ATP9B: variants seen among roughly 807,000 people sequenced by gnomAD.
The protein encoded by ATP9B is ATPase phospholipid transporting 9B.
A neutral mutation model predicts 146.1 loss-of-function variants in ATP9B; 110 were observed. The ratio of observed to expected loss-of-function variants is 0.75; its 90% CI spans 0.65 to 0.88. ATP9B has a LOEUF of 0.88. ATP9B is among the 40% of genes least tolerant of loss of function. The probability of loss-of-function intolerance (pLI) is 0.00; values close to 1 mark genes in which losing one functional copy is unlikely to be tolerated. For synonymous variants in ATP9B, 604 were observed against 569.7 expected (o/e 1.06, Z -0.86); for missense variants, 1,499 against 1,496.4 (o/e 1.00, Z -0.03).
intron 15 of ATP9B, among the ~76,000 whole-genome samples, chr18:79,315,799 G>A (rs753300956): frequency 2.0e-5 from 3 of 152,138 alleles, no homozygotes; most frequent in Non-Finnish European, 4.4e-5. Context: ...TAAACAAATC[G>A]CCTGTGGCAG....
At chr18:79,253,277 A>C (rs764281123) in intron 11 of ATP9B, 104 bp from the exon 12 acceptor site, 3 of 1,103,436 alleles carry the variant, frequency 2.7e-6, no homozygotes, top group Non-Finnish European at 3.8e-6. Flanking sequence ...AATACCAATA[A>C]ATTTTAAAGT....
At chr18:79,181,706 A>G (rs9966492) in intron 8 of ATP9B, among the ~76,000 whole-genome samples, 32,098 of 151,960 alleles carry the variant, frequency 0.21, 3,748 homozygotes, top group East Asian at 0.5. Flanking sequence ...AGCCCACCCA[A>G]TGAATTTTGT....
Position 79,307,074 on chromosome 18 carries a change from G to A in ATP9B, c.1613G>A (p.Ser538Asn), listed in dbSNP as rs766490486. ...SSAPKVRKSV[S>N]SRIHEAVKAI... ...GCTCCCAAAGTTAGGAAAAGTGTCA[G>A]TAGTCGAATCCATGAAGCCGTGAAA... Residue 538 changes from serine to asparagine, a missense_variant, in exon 15 of 30, where the codon AGT (serine) becomes AAT (asparagine). By Grantham distance (46) the Ser-to-Asn change is conservative. Coordinates refer to ENST00000426216, the MANE Select transcript of ATP9B (RefSeq NM_198531.5). The A allele has an allele frequency of 1.2e-6, 2 of 1,614,104 alleles. No individual in the cohort carries two copies. The highest frequency in any genetic ancestry group is 1.3e-5 in the African/African-American group (1 of 74,944).
At chr18:79,076,768 C>T (rs1417012984) in intron 1 of ATP9B, among the ~76,000 whole-genome samples, 2 of 152,078 alleles carry the variant, frequency 1.3e-5, no homozygotes, top group African/African-American at 4.8e-5. Flanking sequence ...CTTCTTTTAC[C>T]CTGGTGACAC....
chr18:79,174,031 G>C (rs932674118), intron 7 of ATP9B: 3 of 328,554 alleles, frequency 9.1e-6, no homozygotes, highest in African/African-American at 6.6e-5. Flanking sequence ...CCGAGGAATT[G>C]AGCTGGACTG....
chr18:79,213,708 A>G (rs1215319051), intron 10 of ATP9B, among the ~76,000 whole-genome samples: 1 of 152,170 alleles, frequency 6.6e-6, no homozygotes, highest in African/African-American at 2.4e-5. Flanking sequence ...CAGTGAAAAG[A>G]ATATTAGTAC....
chr18:79,314,983 GTGAC>G (rs2096671769), intron 15 of ATP9B, among the ~76,000 whole-genome samples: 1 of 152,216 alleles, frequency 6.6e-6, no homozygotes, highest in African/African-American at 2.4e-5. Flanking sequence ...TCCAGAAAGA[GTGAC>G]TGTGATTCTT....
chr18:79,371,199 C>G (rs1240364727), intron 26 of ATP9B, among the ~76,000 whole-genome samples: 2 of 151,966 alleles, frequency 1.3e-5, no homozygotes, highest in African/African-American at 4.8e-5. Context: ...TGGTGAAACC[C>G]CCTCTCTACT....
chr18:79,274,165 A>G (rs907934387), intron 12 of ATP9B, among the ~76,000 whole-genome samples: 1 of 152,180 alleles, frequency 6.6e-6, no homozygotes, highest in African/African-American at 2.4e-5. Context: ...TTTAATATAT[A>G]TTGAGGGGGG....
chr18:79,220,893 C>T (rs1002647031), intron 11 of ATP9B, among the ~76,000 whole-genome samples: 1 of 152,198 alleles, frequency 6.6e-6, no homozygotes, highest in Admixed American at 6.5e-5. Context: ...GGCCCTGCTG[C>T]CTCTGACTTG....
intron 11 of ATP9B, among the ~76,000 whole-genome samples, chr18:79,240,114 G>A (rs552292472): frequency 7.3e-4 from 111 of 152,382 alleles, no homozygotes; most frequent in Non-Finnish European, 1.4e-3. Flanking sequence ...AGCTGGCGAA[G>A]TGAGGTGAGG....
intron 12 of ATP9B, among the ~76,000 whole-genome samples, chr18:79,256,996 C>A (rs1226455224): frequency 1.3e-5 from 2 of 152,176 alleles, no homozygotes; most frequent in African/African-American, 4.8e-5. Flanking sequence ...TATTCACATT[C>A]AATCCTATTG....
chr18:79,248,409 A>G (rs1599265331), intron 11 of ATP9B, among the ~76,000 whole-genome samples: 1 of 152,234 alleles, frequency 6.6e-6, no homozygotes, highest in East Asian at 1.9e-4. Flanking sequence ...TAGCAGTGGA[A>G]AATATAGGGC....
chr18:79,072,800 G>GT (rs1247396430), intron 1 of ATP9B, among the ~76,000 whole-genome samples: 1 of 152,126 alleles, frequency 6.6e-6, no homozygotes, highest in Non-Finnish European at 1.5e-5. Context: ...CCCAGATGGG[G>GT]TGGCTGCCGG....
At position 79,069,679 on chromosome 18, in the gene ATP9B, C is replaced by T. The variant is rs142458611; in HGVS notation, c.119+150C>T. On this transcript the variant is annotated intron_variant, in intron 1 of 29. Transcript: ENST00000426216. ...CCGGGAGTCCTTGGCGTTCTGAGCGCGCCGCAGCTGTGGCGTCCGCCGGTG... is the reference window on the plus strand; with the variant it reads ...CCGGGAGTCCTTGGCGTTCTGAGCGTGCCGCAGCTGTGGCGTCCGCCGGTG... 358 of 502,596 alleles carry T rather than the reference C, an allele frequency of 7.1e-4. 3 individuals are homozygous for T. The East Asian group carries it at 0.013, about 18-fold the overall frequency. 31.1% of individuals were successfully genotyped at this position (502,596 alleles called of 1,614,324 possible).
chr18:79,121,514 C>G (rs1278435680), intron 4 of ATP9B, among the ~76,000 whole-genome samples: 1 of 152,186 alleles, frequency 6.6e-6, no homozygotes, highest in Non-Finnish European at 1.5e-5. Context: ...TGTAATGATC[C>G]ATTTAAGAAC....
intron 11 of ATP9B, among the ~76,000 whole-genome samples, chr18:79,217,712 G>A (rs1215110806): frequency 2.0e-5 from 3 of 152,186 alleles, no homozygotes; most frequent in Admixed American, 6.5e-5. Flanking sequence ...GAACAGAGAC[G>A]GAAAGGTGGA....
intron 1 of ATP9B, among the ~76,000 whole-genome samples, chr18:79,088,614 G>GT (rs2074050216): frequency 1.3e-5 from 2 of 152,138 alleles, no homozygotes; most frequent in Admixed American, 1.3e-4. Flanking sequence ...AGAGTAGGGT[G>GT]TTTAAAAGAG....
At chr18:79,325,389 C>T (rs1414973547) in intron 15 of ATP9B, among the ~76,000 whole-genome samples, 1 of 152,182 alleles carries the variant, frequency 6.6e-6, no homozygotes, top group Non-Finnish European at 1.5e-5. Flanking sequence ...CAGAATCATT[C>T]TATTCCATAT....
Sources: allele counts gnomAD v4.1 joint callset (sites outside exome capture counted in the v4.1 genomes callset), GRCh38; gene constraint gnomAD v4.1.1; transcripts MANE v1.5; gene names NCBI Gene and HGNC (gene_info 2026-07-23, HGNC 2026-07-21).